The following ZNF853 variants were observed in gnomAD, a reference collection of about 807,000 sequenced individuals.
ZNF853 encodes zinc finger protein 853.
In ZNF853, 57 loss-of-function variants were observed where a neutral mutation model predicts 94.7. That is an observed-to-expected ratio of 0.60 (90% CI 0.49 to 0.75). The LOEUF (loss-of-function observed/expected upper bound fraction) is 0.75, where lower values mean the gene tolerates loss of function less well. Among genes scored for constraint, ZNF853 ranks in the 30% least tolerant of loss-of-function variants. ZNF853 has a pLI of 0.00. For missense variants in ZNF853, 785 were observed against 868.9 expected, an observed-to-expected ratio of 0.90 and a Z score of 1.21; for synonymous variants, 448 against 406.3, an observed-to-expected ratio of 1.10 and a Z score of -1.23.
At position 6,622,560 on chromosome 7, in the gene ZNF853, G is replaced by A. The variant is rs1307051686; in HGVS notation, c.1569G>A (p.Ser523=). ...GCGGCGAGTGCGGCAAGGGCTTCTC[G>A]CAGCACTCGAATCTGGTGACGCACC... ...HRCGECGKGF[S]QHSNLVTHQR... The change falls in exon 3 of 3, where the codon TCG becomes TCA. Residue 523 remains serine (S), a synonymous_variant. Transcript: ENST00000457543. 22 of 1,560,016 alleles carry A rather than the reference G, an allele frequency of 1.4e-5. No homozygotes were observed. The highest frequency in any genetic ancestry group is 1.8e-5 in the Non-Finnish European group (21 of 1,153,184).
At chr7:6,618,296 C>T in intron 2 of ZNF853, among the ~76,000 whole-genome samples, 2 of 150,260 alleles carry the variant, frequency 1.3e-5, no homozygotes, top group Non-Finnish European at 3.0e-5. Flanking sequence ...GAGTCCGTCT[C>T]AAAAAAAAGA....
chr7:6,619,229 A>G, intron 2 of ZNF853, among the ~76,000 whole-genome samples: 3 of 151,524 alleles, frequency 2.0e-5, no homozygotes, highest in African/African-American at 7.3e-5. Flanking sequence ...TAGTAGAGAC[A>G]GGGTTTCACT....
chr7:6,622,434 G>C lies in ZNF853; in HGVS notation c.1443G>C (p.Arg481=). The part of the protein sequence containing the change: ...PARQRRRRRA[R]DRPTICGECG... Reference sequence around the variant, plus strand: ...GGCAGCGGCGGCGGCGGCGCGCTCGGGACCGGCCGACCATCTGCGGGGAGT... The same window carrying C: ...GGCAGCGGCGGCGGCGGCGCGCTCGCGACCGGCCGACCATCTGCGGGGAGT... Residue 481 remains arginine (R), a synonymous_variant, in exon 3 of 3, where the codon CGG becomes CGC. Transcript: ENST00000457543. 1.4e-6 allele frequency: 2 copies of C among 1,462,260 alleles called. No homozygotes were observed. The highest frequency in any genetic ancestry group is 1.8e-6 in the Non-Finnish European group (2 of 1,115,002). The allele number at this position is 1,462,260 out of a possible 1,614,324, so 90.6% of individuals were successfully genotyped here.
rs1482228242 is a variant in ZNF853, at chr7:6,615,908, C to T, written c.-267C>T. 2.8e-6 allele frequency: 1 copy of T among 360,600 alleles called. No individual in the cohort carries two copies. The highest frequency in any genetic ancestry group is 5.0e-6 in the Non-Finnish European group (1 of 198,804). 22.3% of individuals were successfully genotyped at this position (360,600 alleles called of 1,614,324 possible). A position where few individuals can be genotyped will look rare whatever the true frequency, so the allele number is the denominator to read the frequency against. On this transcript the variant is annotated 5_prime_UTR_variant, in exon 1 of 3. Coordinates refer to ENST00000457543, the MANE Select transcript of ZNF853 (RefSeq NM_017560.3). This position sits in a 1 kb window ranked among gnomAD's most constrained non-coding sequence, Gnocchi z 8.5. ...CCCCGCGCGGGATTCGGGGCCCTGC[C>T]TCCCGCCCCAGCCCCCGCCGGAGAG...
rs1782653217 is a variant in ZNF853, at chr7:6,622,541, A to G, written c.1550A>G (p.Glu517Gly). 6.4e-7 allele frequency: 1 copy of G among 1,552,272 alleles called. No homozygotes were observed. The highest frequency in any genetic ancestry group is 8.7e-7 in the Non-Finnish European group (1 of 1,148,426). ...HTGERPHRCG[E>G]CGKGFSQHSN... ...GGTGAGCGGCCACACCGCTGCGGCG[A>G]GTGCGGCAAGGGCTTCTCGCAGCAC... is the stretch of plus-strand genomic sequence containing the variant. Residue 517 changes from glutamate (E) to glycine (G), a missense_variant, in exon 3 of 3, where the codon GAG becomes GGG. By Grantham distance (98) the Glu-to-Gly change is moderately conservative. Coordinates refer to ENST00000457543, the MANE Select transcript of ZNF853 (RefSeq NM_017560.3).
At chr7:6,618,757 G>T in intron 2 of ZNF853, among the ~76,000 whole-genome samples, 2 of 152,102 alleles carry the variant, frequency 1.3e-5, no homozygotes, top group African/African-American at 4.8e-5. Context: ...CAGGGAGTCA[G>T]AGTGGCCTGT....
chr7:6,617,215 C>A lies in ZNF853; in HGVS notation c.38C>A (p.Thr13Asn), dbSNP rs529113777. ...CCGACTCCCGGGAATCGGGGTCTGA[C>A]CGCCAGGATGGAAGTGGGGCCAGCC... is the stretch of plus-strand genomic sequence containing the variant. Reference protein sequence around the residue: ...HQPTPGNRGLTARMEVGPATE... With the variant: ...HQPTPGNRGLNARMEVGPATE... Residue 13 changes from threonine (T) to asparagine (N), a missense_variant, in exon 2 of 3, where the codon ACC (threonine) becomes AAC (asparagine). Transcript: ENST00000457543. 6.5e-7 allele frequency: 1 copy of A among 1,539,276 alleles called. No individual in the cohort carries two copies. Among genetic ancestry groups the A allele is most frequent in the South Asian group, 1.2e-5 (1 of 83,602 alleles).
Position 6,622,438 on chromosome 7 carries a change from C to A in ZNF853, c.1447C>A (p.Arg483=), listed in dbSNP as rs965066117. 2 of 1,469,218 alleles carry A rather than the reference C, an allele frequency of 1.4e-6. No homozygotes were observed. Among genetic ancestry groups the A allele is most frequent in the Admixed American group, 5.1e-5 (2 of 39,420 alleles). The allele number at this position is 1,469,218 out of a possible 1,614,324, so 91.0% of individuals were successfully genotyped here. A position where few individuals can be genotyped will look rare whatever the true frequency, so the allele number is the denominator to read the frequency against. Residue 483 remains arginine (R), a synonymous_variant, in exon 3 of 3, where the codon CGG becomes AGG. Coordinates refer to ENST00000457543, the MANE Select transcript of ZNF853 (RefSeq NM_017560.3). ...GCGGCGGCGGCGGCGCGCTCGGGAC[C>A]GGCCGACCATCTGCGGGGAGTGCGG... ...RQRRRRRARD[R]PTICGECGKG...
In ZNF853 at chr7:6,621,377, AGCT is replaced by A; in HGVS notation, c.387_389del (p.Leu130del). On this transcript the variant is annotated inframe_deletion, in exon 3 of 3. Transcript: ENST00000457543. ...CAGCCGCAGCAAGATGGGCAACAAC[AGCT>A]ATCTCAACTACAACAGGAAAAACAC... 2 of 1,551,760 alleles carry A rather than the reference AGCT, an allele frequency of 1.3e-6. No homozygotes were observed. The highest frequency in any genetic ancestry group is 1.7e-6 in the Non-Finnish European group (2 of 1,147,010).
At chr7:6,618,273 G>A in intron 2 of ZNF853, among the ~76,000 whole-genome samples, 1 of 152,052 alleles carries the variant, frequency 6.6e-6, no homozygotes, top group East Asian at 1.9e-4. Flanking sequence ...CTCCAGCCTT[G>A]GTGACAGAGT....
In ZNF853 at chr7:6,623,156, A is replaced by T. The variant is rs1782675667; in HGVS notation, c.*185A>T. 1.8e-6 allele frequency: 1 copy of T among 545,526 alleles called. No individual in the cohort carries two copies. Among genetic ancestry groups the T allele is most frequent in the African/African-American group, 1.9e-5 (1 of 51,468 alleles). 33.8% of individuals were successfully genotyped at this position (545,526 alleles called of 1,614,324 possible). ...AGAAAATACCAGGTTCACAGATTTCACCGCCAGAAAAATCCATCCGCCAAA... is the reference window on the plus strand; with the variant it reads ...AGAAAATACCAGGTTCACAGATTTCTCCGCCAGAAAAATCCATCCGCCAAA... On this transcript the variant is annotated 3_prime_UTR_variant, in exon 3 of 3. Coordinates refer to ENST00000457543, the MANE Select transcript of ZNF853 (RefSeq NM_017560.3).
chr7:6,621,742 C>G lies in ZNF853; in HGVS notation c.751C>G (p.Gln251Glu). 1 of 1,550,748 alleles carries G rather than the reference C, an allele frequency of 6.4e-7. No homozygotes were observed. Among genetic ancestry groups the G allele is most frequent in the East Asian group, 2.4e-5 (1 of 40,918 alleles). The change falls in exon 3 of 3, where the codon CAG becomes GAG. Residue 251 changes from glutamine (Q) to glutamate (E), a missense_variant. Gln to Glu is a conservative substitution (Grantham distance 29, BLOSUM62 2). Transcript: ENST00000457543. ...ATTGCTGCAGCAGCAGGGACAGTTA[C>G]AGCAGCAACTGTTGCAGCAGCAGCA... ...LLLLQQQGQL[Q>E]QQLLQQQQAQ...
intron 2 of ZNF853, chr7:6,617,571 G>A: frequency 1.0e-6 from 1 of 984,756 alleles, no homozygotes; most frequent in African/African-American, 1.7e-5. Flanking sequence ...ACTCATTGCT[G>A]TGTTTCCTGG....
In ZNF853 at chr7:6,621,924, C is replaced by T. The variant is rs760255709; in HGVS notation, c.933C>T (p.Pro311=). The T allele has an allele frequency of 3.9e-6, 6 of 1,551,252 alleles. No individual in the cohort carries two copies. The South Asian group carries it at 7.1e-5, about 18-fold the overall frequency. Residue 311 remains proline, a synonymous_variant, in exon 3 of 3, where the codon CCC becomes CCT. Coordinates refer to ENST00000457543, the MANE Select transcript of ZNF853 (RefSeq NM_017560.3). ...QLQQQQLQPP[P]LEPEEEEEVE... is the part of the protein sequence containing the mutation. ...AGCAGCAACAACTGCAGCCTCCTCC[C>T]CTGGAGCCCGAGGAGGAGGAAGAGG...
chr7:6,624,017 T>C lies in ZNF853; in HGVS notation c.*1046T>C, dbSNP rs942090736. On this transcript the variant is annotated 3_prime_UTR_variant, in exon 3 of 3. Coordinates refer to ENST00000457543, the MANE Select transcript of ZNF853 (RefSeq NM_017560.3). ...TATCTGAGACGACGTTTGGGAGCAA[T>C]GCTCTTTACCACGTTCACCAAGTCG... 1 of 152,288 alleles carries C rather than the reference T, an allele frequency of 6.6e-6. No individual in the cohort carries two copies. Among genetic ancestry groups the C allele is most frequent in the Admixed American group, 6.5e-5 (1 of 15,278 alleles). 9.4% of individuals were successfully genotyped at this position (152,288 alleles called of 1,614,324 possible).
chr7:6,618,405 A>G, intron 2 of ZNF853, among the ~76,000 whole-genome samples: 1 of 151,376 alleles, frequency 6.6e-6, no homozygotes, highest in African/African-American at 2.4e-5. Context: ...GTTCACTAAA[A>G]TGCCTTTGTT....
chr7:6,615,842 G>C lies in ZNF853; in HGVS notation c.-333G>C, dbSNP rs571934160. 217 of 192,024 alleles carry C rather than the reference G, an allele frequency of 1.1e-3. No homozygotes were observed. The highest frequency in any genetic ancestry group is 2.0e-3 in the Admixed American group (32 of 16,204). The allele number at this position is 192,024 out of a possible 1,614,324, so 11.9% of individuals were successfully genotyped here. ...GGTGCCGACCCCGGGCGCCGGCCTGGATCCCGCTGCCCGCGATGGTCCCGG... is the reference window on the plus strand; with the variant it reads ...GGTGCCGACCCCGGGCGCCGGCCTGCATCCCGCTGCCCGCGATGGTCCCGG... On this transcript the variant is annotated 5_prime_UTR_variant, in exon 1 of 3. Transcript: ENST00000457543. The surrounding 1 kb of genome is among the most constrained non-coding windows in gnomAD (Gnocchi z 8.5).
intron 2 of ZNF853, among the ~76,000 whole-genome samples, chr7:6,619,834 G>T: frequency 6.6e-6 from 1 of 152,016 alleles, no homozygotes; most frequent in Non-Finnish European, 1.5e-5. Flanking sequence ...GCGTAGTAAC[G>T]GAGTGGTGCT....
chr7:6,622,765 T>C lies in ZNF853; in HGVS notation c.1774T>C (p.Ser592Pro), dbSNP rs781549181. ...SNLLRHRRTH[S>P]GERPYVCEDC... The stretch of plus-strand genomic sequence containing the variant: ...CCTGCTGCGCCACCGGCGCACGCAC[T>C]CGGGCGAGCGGCCCTACGTGTGCGA... Residue 592 changes from serine (S) to proline (P), a missense_variant, in exon 3 of 3, where the codon TCG becomes CCG. Ser to Pro is a moderately conservative substitution (Grantham distance 74, BLOSUM62 -1). Transcript: ENST00000457543. 6.5e-7 allele frequency: 1 copy of C among 1,545,968 alleles called. No individual in the cohort carries two copies. Among genetic ancestry groups the C allele is most frequent in the Non-Finnish European group, 8.7e-7 (1 of 1,148,890 alleles).
Sources: gnomAD v4.1 joint callset for allele counts (sites outside exome capture counted in the v4.1 genomes callset) on GRCh38, gnomAD v4.1.1 for gene constraint, Gnocchi (gnomAD v3.1) non-coding constraint, MANE v1.5 for transcripts, NCBI Gene and HGNC (gene_info 2026-07-23, HGNC 2026-07-21) for gene names.